RHEX: variants seen among roughly 807,000 people sequenced by gnomAD.
The protein encoded by RHEX is regulator of hemoglobinization and erythroid cell expansion.
Under a neutral mutation model 20.1 loss-of-function variants are expected in RHEX, and 18 were observed. The ratio of observed to expected loss-of-function variants is 0.90; its 90% CI spans 0.62 to 1.33. The LOEUF (loss-of-function observed/expected upper bound fraction) is 1.33, where lower values mean the gene tolerates loss of function less well. RHEX is among the 40% of genes most tolerant of loss of function. The pLI is 0.00. For missense variants in RHEX, 192 were observed against 214.3 expected (o/e 0.90, Z 0.65); for synonymous variants, 87 against 77.1 (o/e 1.13, Z -0.67).
intron 1 of RHEX, among the ~76,000 whole-genome samples, chr1:206,091,823 G>C (rs1267924306): frequency 1.3e-5 from 2 of 152,060 alleles, no homozygotes; most frequent in African/African-American, 4.8e-5. Context: ...AACATCCTGG[G>C]CTAACTTCTT....
intron 5 of RHEX, among the ~76,000 whole-genome samples, chr1:206,101,400 G>T (rs1553288371): frequency 6.6e-6 from 1 of 152,128 alleles, no homozygotes; most frequent in Non-Finnish European, 1.5e-5. Context: ...AACAAAGTGG[G>T]TCTGAACAGA....
chr1:206,086,169 A>G (rs1197288667), intron 1 of RHEX, among the ~76,000 whole-genome samples: 2 of 152,104 alleles, frequency 1.3e-5, no homozygotes, highest in African/African-American at 4.8e-5. Context: ...GCAGGACCCC[A>G]TGGTTTCGTA....
intron 1 of RHEX, among the ~76,000 whole-genome samples, chr1:206,081,782 C>T (rs1374180905): frequency 6.6e-6 from 1 of 152,118 alleles, no homozygotes; most frequent in African/African-American, 2.4e-5. Context: ...AAGAGTGGTC[C>T]ACACAGAGGC....
intron 3 of RHEX, 96 bp downstream of exon 3, chr1:206,098,277 A>T: frequency 1.1e-6 from 1 of 894,960 alleles, no homozygotes; most frequent in African/African-American, 1.6e-5. Flanking sequence ...CCCAAACGTC[A>T]CTCAAAAACC....
At chr1:206,063,059 A>T (rs1247128910) in intron 1 of RHEX, among the ~76,000 whole-genome samples, 1 of 152,206 alleles carries the variant, frequency 6.6e-6, no homozygotes, top group Non-Finnish European at 1.5e-5. Context: ...GTGGGTTGCT[A>T]GTTTGTATCA....
intron 1 of RHEX, among the ~76,000 whole-genome samples, chr1:206,088,632 A>C (rs1177845551): frequency 6.6e-6 from 1 of 152,138 alleles, no homozygotes; most frequent in Non-Finnish European, 1.5e-5. Flanking sequence ...GCAGTGAGCC[A>C]AGATTGCGCC....
chr1:206,090,711 T>C (rs1553286943), intron 1 of RHEX, among the ~76,000 whole-genome samples: 1 of 152,026 alleles, frequency 6.6e-6, no homozygotes, highest in East Asian at 1.9e-4. Flanking sequence ...AGTTTGTCTT[T>C]CATGTCTCTC....
chr1:206,098,325 TC>T (rs1295836291), intron 3 of RHEX, 144 bp downstream of exon 3: 66 of 613,872 alleles, frequency 1.1e-4, no homozygotes, highest in African/African-American at 1.0e-3. Flanking sequence ...TTCCCACCGC[TC>T]CCCCTCCCCC....
chr1:206,101,337 G>C, intron 5 of RHEX, 140 bp downstream of exon 5: 1 of 679,334 alleles, frequency 1.5e-6, no homozygotes, highest in Non-Finnish European at 2.5e-6. Context: ...AGCATCCTCA[G>C]GTGAGGGGGG....
intron 1 of RHEX, among the ~76,000 whole-genome samples, chr1:206,095,646 G>A (rs1290793787): frequency 3.9e-5 from 6 of 152,028 alleles, no homozygotes; most frequent in Non-Finnish European, 8.8e-5. Context: ...GAGAAACCCC[G>A]TCTCTACTGA....
At chr1:206,097,555 T>C in intron 1 of RHEX, 178 bp from the exon 2 acceptor site, 1 of 536,218 alleles carries the variant, frequency 1.9e-6, no homozygotes, top group Non-Finnish European at 3.3e-6. Flanking sequence ...TGCACTTTAC[T>C]CATCAAGGTT....
At chr1:206,079,803 T>C (rs1662703373) in intron 1 of RHEX, among the ~76,000 whole-genome samples, 1 of 152,190 alleles carries the variant, frequency 6.6e-6, no homozygotes, top group Non-Finnish European at 1.5e-5. Context: ...ATCTGCCTCT[T>C]CGGCCTCCCA....
chr1:206,089,645 G>C (rs1285381137), intron 1 of RHEX, among the ~76,000 whole-genome samples: 19 of 151,588 alleles, frequency 1.3e-4, no homozygotes, highest in Non-Finnish European at 2.1e-4. Flanking sequence ...CCCATTTGCT[G>C]TTTGGGGGCC....
chr1:206,063,582 CGG>C (rs782052489), intron 1 of RHEX, among the ~76,000 whole-genome samples: 65 of 152,336 alleles, frequency 4.3e-4, no homozygotes, highest in Non-Finnish European at 8.2e-4. Flanking sequence ...TTGGTGGAGA[CGG>C]GGTTTCGCTG....
chr1:206,075,614 T>G (rs1467134511), intron 1 of RHEX, among the ~76,000 whole-genome samples: 2 of 151,954 alleles, frequency 1.3e-5, no homozygotes, highest in African/African-American at 4.8e-5. Flanking sequence ...CTTTTTTTTT[T>G]TTTTGAGACA....
In RHEX at chr1:206,098,880, A is replaced by C. The variant is rs114530412; in HGVS notation, c.112+699A>C. 4.4e-3 allele frequency among the ~76,000 whole-genome samples: 663 copies of C among 152,366 alleles called. 9 individuals carry two copies. The highest frequency in any genetic ancestry group is 0.015 in the African/African-American group (608 of 41,586). Reference sequence around the variant, plus strand: ...CTTTCATTCCATGTGACAACAAACAAGATAAACAAGTAAAACATGTATATG... The same window carrying C: ...CTTTCATTCCATGTGACAACAAACACGATAAACAAGTAAAACATGTATATG... On this transcript the variant is annotated intron_variant, in intron 3 of 5. Coordinates refer to ENST00000331555, the MANE Select transcript of RHEX (RefSeq NM_001007544.4).
At chr1:206,075,879 G>T (rs563009974) in intron 1 of RHEX, among the ~76,000 whole-genome samples, 4 of 152,250 alleles carry the variant, frequency 2.6e-5, no homozygotes, top group Non-Finnish European at 4.4e-5. Flanking sequence ...ACGATTACAG[G>T]CATGAGCCAC....
chr1:206,056,794 G>GA (rs34287495), intron 1 of RHEX, among the ~76,000 whole-genome samples: 11,528 of 151,704 alleles, frequency 0.076, 1,416 homozygotes, highest in African/African-American at 0.25. Context: ...CTCTAAATTG[G>GA]AAAAAAAAGT....
intron 1 of RHEX, among the ~76,000 whole-genome samples, chr1:206,078,259 G>T (rs1662671143): frequency 6.6e-6 from 1 of 152,152 alleles, no homozygotes; most frequent in African/African-American, 2.4e-5. Context: ...TACGTAACAG[G>T]CTGGGTGCGG....
Sources: gnomAD v4.1 joint callset for allele counts (sites outside exome capture counted in the v4.1 genomes callset) on GRCh38, gnomAD v4.1.1 for gene constraint, MANE v1.5 for transcripts, NCBI Gene and HGNC (gene_info 2026-07-23, HGNC 2026-07-21) for gene names.